Variants in DCLK2 observed in about 807,000 individuals in gnomAD.
DCLK2 encodes the protein doublecortin like kinase 2.
A neutral mutation model predicts 78.4 loss-of-function variants in DCLK2; 31 were observed. The ratio of observed to expected loss-of-function variants is 0.40; its 90% confidence interval spans 0.30 to 0.53. The LOEUF is 0.53. Ranked by LOEUF, DCLK2 falls within the 20% of genes least tolerant of loss-of-function variation. DCLK2 has a pLI of 0.61. For missense variants in DCLK2, 872 were observed against 973.7 expected, an observed-to-expected ratio of 0.90 and a Z score of 1.39; for synonymous variants, 407 against 374.9, an observed-to-expected ratio of 1.09 and a Z score of -0.99.
chr4:150,182,513 A>T (rs555919798), intron 2 of DCLK2, among the ~76,000 whole-genome samples: 4 of 152,326 alleles, frequency 2.6e-5, no homozygotes, highest in African/African-American at 9.6e-5. Flanking sequence ...TAAGTGTCTC[A>T]TGCCAGCAAT....
In DCLK2 at chr4:150,156,401, C is replaced by G. The variant is rs115090834; in HGVS notation, c.757-36737C>G. Reference sequence around the variant, plus strand: ...GTGGCTCACGCCTATAATCTTAGCACTTTTTGAGGCTGAGGTGGGTGGCTT... The same window carrying G: ...GTGGCTCACGCCTATAATCTTAGCAGTTTTTGAGGCTGAGGTGGGTGGCTT... On this transcript the variant is annotated intron_variant, in intron 2 of 15. Coordinates refer to ENST00000296550, the MANE Select transcript of DCLK2 (RefSeq NM_001040260.4). Among the ~76,000 whole-genome samples the G allele has an allele frequency of 6.9e-3, 1,043 of 151,962 alleles. 13 individuals are homozygous for G. The highest frequency in any genetic ancestry group is 0.024 in the African/African-American group (975 of 41,416).
chr4:150,196,058 G>A (rs1424017992), intron 3 of DCLK2, among the ~76,000 whole-genome samples: 1 of 151,994 alleles, frequency 6.6e-6, no homozygotes, highest in Non-Finnish European at 1.5e-5. Flanking sequence ...TTATTAGGAG[G>A]CAAATTTTTT....
chr4:150,182,065 C>T (rs1054471593), intron 2 of DCLK2, among the ~76,000 whole-genome samples: 8 of 150,416 alleles, frequency 5.3e-5, no homozygotes, highest in African/African-American at 1.7e-4. Flanking sequence ...AAATTTTTTT[C>T]GAGACAGGAT....
chr4:150,235,127 G>C (rs753549005), intron 10 of DCLK2, among the ~76,000 whole-genome samples: 1 of 152,162 alleles, frequency 6.6e-6, no homozygotes, highest in Non-Finnish European at 1.5e-5. Flanking sequence ...CAGCCAGTCT[G>C]TCCAACAGCC....
At chr4:150,242,056 TTCAAAC>T (rs1742968274) in intron 12 of DCLK2, among the ~76,000 whole-genome samples, 1 of 152,236 alleles carries the variant, frequency 6.6e-6, no homozygotes, top group Non-Finnish European at 1.5e-5. Context: ...TGTGAAAACT[TTCAAAC>T]ATACAGAAAA....
At chr4:150,227,351 G>A (rs1741697212) in intron 8 of DCLK2, among the ~76,000 whole-genome samples, 1 of 152,206 alleles carries the variant, frequency 6.6e-6, no homozygotes, top group African/African-American at 2.4e-5. Flanking sequence ...AAGACACTGT[G>A]CTAAGAATAG....
intron 3 of DCLK2, among the ~76,000 whole-genome samples, chr4:150,194,824 A>G (rs1738743478): frequency 6.6e-6 from 1 of 152,078 alleles, no homozygotes; most frequent in African/African-American, 2.4e-5. Flanking sequence ...AAACAAATAC[A>G]GTGATACCTA....
chr4:150,122,164 C>T (rs916995208), intron 2 of DCLK2, among the ~76,000 whole-genome samples: 3 of 152,142 alleles, frequency 2.0e-5, no homozygotes, highest in Admixed American at 1.3e-4. Context: ...TCATTCCTCC[C>T]GAGCCCTGCT....
At chr4:150,224,015 T>G (rs1209175336) in intron 7 of DCLK2, among the ~76,000 whole-genome samples, 3 of 152,142 alleles carry the variant, frequency 2.0e-5, no homozygotes, top group Non-Finnish European at 4.4e-5. Flanking sequence ...TTCTGTCTCC[T>G]AAGAGAACTA....
rs553712090 is a variant in DCLK2, at chr4:150,253,418, C to T, written c.2074-2602C>T. 10 of 1,288,934 alleles carry T rather than the reference C, an allele frequency of 7.8e-6. No individual in the cohort carries two copies. In the South Asian group the frequency reaches 1.2e-4, roughly 16 times the overall value. The allele number at this position is 1,288,934 out of a possible 1,614,324, so 79.8% of individuals were successfully genotyped here. On this transcript the variant is annotated intron_variant, in intron 15 of 15. Coordinates refer to ENST00000296550, the MANE Select transcript of DCLK2 (RefSeq NM_001040260.4). ...AGAAAATGATGGGCTAGAAATTGGTCCATAAAGGTGAAAAAAAAGTAAAGT... is the reference window on the plus strand; with the variant it reads ...AGAAAATGATGGGCTAGAAATTGGTTCATAAAGGTGAAAAAAAAGTAAAGT...
At chr4:150,123,734 T>C (rs1322376326) in intron 2 of DCLK2, among the ~76,000 whole-genome samples, 1 of 152,022 alleles carries the variant, frequency 6.6e-6, no homozygotes, top group African/African-American at 2.4e-5. Context: ...CCCTCTGCAG[T>C]TTTTCAGATT....
chr4:150,228,168 A>G (rs530964028), intron 8 of DCLK2, among the ~76,000 whole-genome samples: 2 of 152,208 alleles, frequency 1.3e-5, no homozygotes, highest in Middle Eastern at 3.2e-3. Context: ...CCCCGCCACA[A>G]TCCAGGGTTA....
chr4:150,133,503 A>G (rs534628484), intron 2 of DCLK2, among the ~76,000 whole-genome samples: 28 of 152,370 alleles, frequency 1.8e-4, no homozygotes, highest in Middle Eastern at 6.8e-3. Flanking sequence ...ACCACCTATC[A>G]ACATGGCAAA....
chr4:150,119,680 T>C (rs1021611768), intron 2 of DCLK2, among the ~76,000 whole-genome samples: 6 of 152,156 alleles, frequency 3.9e-5, no homozygotes, highest in African/African-American at 1.4e-4. Flanking sequence ...AAAAGCTAGT[T>C]GACTAGCATG....
In DCLK2 at chr4:150,205,172, A is replaced by T. The variant is rs186231346; in HGVS notation, c.1056+1283A>T. Among the ~76,000 whole-genome samples the T allele has an allele frequency of 3.4e-3, 524 of 152,224 alleles. 4 individuals are homozygous for T. Among genetic ancestry groups the T allele is most frequent in the Middle Eastern group, 6.8e-3 (2 of 294 alleles). On this transcript the variant is annotated intron_variant, in intron 5 of 15. Transcript: ENST00000296550. ...ATGGTTAGAACTCCACCACCCTTGC[A>T]TGAGTGAGGAGTGGGAACCTGCCAA...
At chr4:150,213,113 G>A (rs974499124) in intron 5 of DCLK2, among the ~76,000 whole-genome samples, 2 of 152,344 alleles carry the variant, frequency 1.3e-5, no homozygotes, top group African/African-American at 2.4e-5. Flanking sequence ...ACTCAGAGGG[G>A]TGCGATGAGA....
chr4:150,156,732 G>T (rs1271410947), intron 2 of DCLK2, among the ~76,000 whole-genome samples: 1 of 148,410 alleles, frequency 6.7e-6, no homozygotes, highest in African/African-American at 2.5e-5. Flanking sequence ...AGGTTTTAGG[G>T]AGTAACTATT....
At chr4:150,122,383 A>G (rs1732613353) in intron 2 of DCLK2, among the ~76,000 whole-genome samples, 1 of 152,234 alleles carries the variant, frequency 6.6e-6, no homozygotes. Flanking sequence ...TAGACTGGAT[A>G]AAGCAAATGC....
intron 7 of DCLK2, 96 bp from the exon 8 acceptor site, chr4:150,224,405 A>G: frequency 2.2e-6 from 1 of 457,458 alleles, no homozygotes. Flanking sequence ...TCATCTCTAC[A>G]AAAAAAAAAA....
Sources: allele counts gnomAD v4.1 joint callset (sites outside exome capture counted in the v4.1 genomes callset), GRCh38; gene constraint gnomAD v4.1.1; transcripts MANE v1.5; gene names NCBI Gene and HGNC (gene_info 2026-07-23, HGNC 2026-07-21).